Variants in CELSR2 observed in about 807,000 individuals in gnomAD.
The protein encoded by CELSR2 is EGF-like protein 2.
Under a neutral mutation model 251.6 loss-of-function variants are expected in CELSR2, and 81 were observed. That is an observed-to-expected ratio of 0.32 (90% confidence interval 0.27 to 0.39). CELSR2 has a LOEUF of 0.39. Ranked by LOEUF, CELSR2 falls within the 10% of genes least tolerant of loss-of-function variation. The pLI is 1.00. For synonymous variants in CELSR2, 1,721 were observed against 1,670.5 expected, an observed-to-expected ratio of 1.03 and a Z score of -0.74; for missense variants, 3,365 against 3,947.7, an observed-to-expected ratio of 0.85 and a Z score of 3.96.
chr1:109,264,351 C>A lies in CELSR2; in HGVS notation c.5275C>A (p.Arg1759=). The change falls in exon 10 of 34, where the codon CGG becomes AGG. Residue 1759 remains arginine, a synonymous_variant. Transcript: ENST00000271332. ...GPAGGVARGF[R]GCLQGVRVSD... ...AGCCGGCGGTGTGGCCCGTGGCTTT[C>A]GGGGCTGTTTGCAGGTGAGTGTCCT... The A allele has an allele frequency of 6.2e-7, 1 of 1,608,116 alleles. No homozygotes were observed. The highest frequency in any genetic ancestry group is 8.5e-7 in the Non-Finnish European group (1 of 1,175,618).
intron 33 of CELSR2, 171 bp downstream of exon 33, chr1:109,273,841 G>T (rs543102987): frequency 9.7e-7 from 1 of 1,031,250 alleles, no homozygotes; most frequent in East Asian, 2.4e-5. Context: ...GGTGCCTTGC[G>T]GGGAGGGCCA....
In CELSR2 at chr1:109,269,138, C is replaced by T. The variant is rs1346698158; in HGVS notation, c.6660C>T (p.Gly2220=). The T allele has an allele frequency of 6.2e-7, 1 of 1,608,752 alleles. No homozygotes were observed. The highest frequency in any genetic ancestry group is 1.3e-5 in the African/African-American group (1 of 74,664). ...CGCCCCCCGTGGTCAGGCCCGCAGGCCCCGGAGAGGCCCAGGAGCCAGAGG... is the reference window on the plus strand; with the variant it reads ...CGCCCCCCGTGGTCAGGCCCGCAGGTCCCGGAGAGGCCCAGGAGCCAGAGG... ...RETPPVVRPA[G]PGEAQEPEEL... The change falls in exon 20 of 34, where the codon GGC becomes GGT. Residue 2220 remains glycine (G), a synonymous_variant. Transcript: ENST00000271332. This position sits in a 1 kb window ranked among gnomAD's most constrained non-coding sequence, Gnocchi z 6.4.
chr1:109,265,317 A>G lies in CELSR2; in HGVS notation c.5727+6A>G, dbSNP rs1242728412. ...GCGGCGAGTGCCACTGCAAGGTGAC[A>G]GCCCCAAGCAAGCCTCCACTGTGGC... is the stretch of plus-strand genomic sequence containing the variant. On this transcript the variant is annotated splice_donor_region_variant and intron_variant, in intron 13 of 33. Transcript: ENST00000271332. 1.9e-6 allele frequency: 3 copies of G among 1,593,984 alleles called. No individual in the cohort carries two copies. The highest frequency in any genetic ancestry group is 2.6e-6 in the Non-Finnish European group (3 of 1,169,470).
chr1:109,269,720 C>T lies in CELSR2; in HGVS notation c.7007C>T (p.Ala2336Val). Residue 2336 changes from alanine to valine, a missense_variant, in exon 22 of 34, where the codon GCC (alanine) becomes GTC (valine). By Grantham distance (64) the Ala-to-Val change is moderately conservative. Around this residue, in one of 5 missense-constraint regions of CELSR2, gnomAD observed 2,093 missense variants for 2,382.8 expected, o/e 0.88. Transcript: ENST00000271332. This position sits in a 1 kb window ranked among gnomAD's most constrained non-coding sequence, Gnocchi z 6.4. ...GTCAGTGGCACAGGTGGCTGGTCGG[C>T]CAGAGGCTGTGAAGTCGTCTTCCGC... ...ILVSGTGGWS[A>V]RGCEVVFRNE... The T allele has an allele frequency of 1.9e-6, 3 of 1,614,072 alleles. No homozygotes were observed. The highest frequency in any genetic ancestry group is 2.5e-6 in the Non-Finnish European group (3 of 1,180,028).
In CELSR2 at chr1:109,250,261, C is replaced by T. The variant is rs1429937511; in HGVS notation, c.182C>T (p.Ser61Leu). The T allele has an allele frequency of 1.2e-6, 2 of 1,612,214 alleles. No individual in the cohort carries two copies. Among genetic ancestry groups the T allele is most frequent in the Non-Finnish European group, 1.7e-6 (2 of 1,179,522 alleles). Reference protein sequence around the residue: ...CAPMGWLCPSSASNLWLYTSR... With the variant: ...CAPMGWLCPSLASNLWLYTSR... The stretch of plus-strand genomic sequence containing the variant: ...CCCATGGGCTGGCTCTGTCCATCCT[C>T]AGCGTCGAACCTCTGGCTCTACACC... The change falls in exon 1 of 34, where the codon TCA (serine) becomes TTA (leucine). Residue 61 changes from serine to leucine, a missense_variant. This residue lies in a region of CELSR2 where 704 missense variants were observed against 784.1 expected (regional missense o/e 0.90). Transcript: ENST00000271332. The surrounding 1 kb of genome is among the most constrained non-coding windows in gnomAD (Gnocchi z 4.4).
intron 1 of CELSR2, 82 bp downstream of exon 1, chr1:109,253,471 C>A: frequency 1.3e-6 from 2 of 1,496,652 alleles, no homozygotes; most frequent in East Asian, 2.4e-5. Flanking sequence ...GGGTGCGATC[C>A]AGGAAGCAGC....
chr1:109,263,171 A>T lies in CELSR2; in HGVS notation c.4738A>T (p.Ser1580Cys). Residue 1580 changes from serine (S) to cysteine (C), a missense_variant, in exon 8 of 34, where the codon AGC becomes TGC. Physicochemically the swap from Ser to Cys is moderately radical, Grantham distance 112. This residue lies in a region of CELSR2 where 2,093 missense variants were observed against 2,382.8 expected (regional missense o/e 0.88). Transcript: ENST00000271332. ...GCPAKKNVCD[S>C]NTCHNGGTCV... ...CCCTGCCAAGAAGAACGTGTGTGAC[A>T]GCAACACTTGCCACAATGGGGGCAC... 1 of 1,600,410 alleles carries T rather than the reference A, an allele frequency of 6.2e-7. No individual in the cohort carries two copies. Among genetic ancestry groups the T allele is most frequent in the Non-Finnish European group, 8.6e-7 (1 of 1,168,850 alleles).
intron 28 of CELSR2, 123 bp downstream of exon 28, chr1:109,271,845 G>C: frequency 7.7e-7 from 1 of 1,296,440 alleles, no homozygotes; most frequent in Non-Finnish European, 1.1e-6. Flanking sequence ...AAGGTGGAAG[G>C]GGAGGTGAAA....
Position 109,275,534 on chromosome 1 carries a change from C to CT in CELSR2, c.*1485_*1486insT, listed in dbSNP as rs574733881. The CT allele has an allele frequency of 1.5e-5, 1 of 66,372 alleles. No individual in the cohort carries two copies. Among genetic ancestry groups the CT allele is most frequent in the Admixed American group, 1.7e-4 (1 of 5,732 alleles). The allele number at this position is 66,372 out of a possible 1,614,324, so 4.1% of individuals were successfully genotyped here. A position where few individuals can be genotyped will look rare whatever the true frequency, so the allele number is the denominator to read the frequency against. On this transcript the variant is annotated 3_prime_UTR_variant, in exon 34 of 34. Coordinates refer to ENST00000271332, the MANE Select transcript of CELSR2 (RefSeq NM_001408.3). ...CTGGCTTTTCTGCCGTGGATTCTCC[C>CT]CCGTCTTCTCCCCTCAGCAATTCCT...
rs1002144276 is a variant in CELSR2 at position 109,264,938 on chromosome 1, C to T, written c.5535C>T (p.Arg1845=). The T allele has an allele frequency of 1.2e-6, 2 of 1,614,076 alleles. No homozygotes were observed. The highest frequency in any genetic ancestry group is 2.7e-5 in the African/African-American group (2 of 74,920). The change falls in exon 12 of 34, where the codon CGC becomes CGT. Residue 1845 remains arginine, a synonymous_variant. Coordinates refer to ENST00000271332, the MANE Select transcript of CELSR2 (RefSeq NM_001408.3). Reference sequence around the variant, plus strand: ...GTGAGCACCAGTCTGTGTGTACCCGCAAGCCCAGTGCCCCCCATGGCTATA... The same window carrying T: ...GTGAGCACCAGTCTGTGTGTACCCGTAAGCCCAGTGCCCCCCATGGCTATA... ...NPCEHQSVCT[R]KPSAPHGYTC... is the part of the protein sequence containing the mutation.
chr1:109,255,480 CCT>C (rs564768809), intron 1 of CELSR2, among the ~76,000 whole-genome samples: 15 of 152,348 alleles, frequency 9.8e-5, no homozygotes, highest in Middle Eastern at 3.4e-3. Context: ...ATTCTCCTCG[CCT>C]CTTTCTTCCT....
At position 109,265,207 on chromosome 1, in the gene CELSR2, C is replaced by T; in HGVS notation, c.5623C>T (p.Pro1875Ser). Residue 1875 changes from proline (P) to serine (S), a missense_variant, in exon 13 of 34, where the codon CCC becomes TCC. This residue lies in a region of CELSR2 where 2,093 missense variants were observed against 2,382.8 expected (regional missense o/e 0.88). Coordinates refer to ENST00000271332, the MANE Select transcript of CELSR2 (RefSeq NM_001408.3). ...TCTCTGCAGGATTGACCAGCCTTGT[C>T]CCCGTGGCTGGTGGGGACATCCCAC... The part of the protein sequence containing the change: ...YCETRIDQPC[P>S]RGWWGHPTCG... 1.2e-6 allele frequency: 2 copies of T among 1,606,610 alleles called. No homozygotes were observed. Among genetic ancestry groups the T allele is most frequent in the Non-Finnish European group, 1.7e-6 (2 of 1,175,784 alleles).
In CELSR2 at chr1:109,269,950, A is replaced by T; in HGVS notation, c.7125A>T (p.Pro2375=). 6.2e-7 allele frequency: 1 copy of T among 1,614,114 alleles called. No homozygotes were observed. The highest frequency in any genetic ancestry group is 8.5e-7 in the Non-Finnish European group (1 of 1,180,006). Residue 2375 remains proline (P), a synonymous_variant, in exon 23 of 34, where the codon CCA becomes CCT. Coordinates refer to ENST00000271332, the MANE Select transcript of CELSR2 (RefSeq NM_001408.3). The surrounding 1 kb of genome is among the most constrained non-coding windows in gnomAD (Gnocchi z 6.4). ...CTCTGCAGAATGGGGAGATCCTGCC[A>T]CTGAAGACACTGACATACGTGGCTC... ...VSRRENGEIL[P]LKTLTYVALG...
Position 109,270,952 on chromosome 1 carries a change from G to A in CELSR2, c.7509G>A (p.Glu2503=). The stretch of plus-strand genomic sequence containing the variant: ...GGCTAGCCGTGGGCCTGGACCCCGA[G>A]GGCTACGGGAACCCTGACTTCTGCT... The part of the protein sequence containing the change: ...ITGLAVGLDP[E]GYGNPDFCWL... Residue 2503 remains glutamate, a synonymous_variant, in exon 25 of 34, where the codon GAG becomes GAA. Coordinates refer to ENST00000271332, the MANE Select transcript of CELSR2 (RefSeq NM_001408.3). 2 of 1,613,826 alleles carry A rather than the reference G, an allele frequency of 1.2e-6. No homozygotes were observed. Among genetic ancestry groups the A allele is most frequent in the Admixed American group, 1.7e-5 (1 of 59,994 alleles).
Position 109,251,060 on chromosome 1 carries a change from C to T in CELSR2, c.981C>T (p.Arg327=). The T allele has an allele frequency of 1.2e-6, 2 of 1,613,542 alleles. No individual in the cohort carries two copies. The highest frequency in any genetic ancestry group is 1.7e-6 in the Non-Finnish European group (2 of 1,179,948). ...CTCCCAATGCCAATATTCTGTACCG[C>T]CTGCTGGAGGGGTCTGGGGGCAGCC... is the stretch of plus-strand genomic sequence containing the variant. ...DAPPNANILY[R]LLEGSGGSPS... is the part of the protein sequence containing the mutation. Residue 327 remains arginine (R), a synonymous_variant, in exon 1 of 34, where the codon CGC becomes CGT. Coordinates refer to ENST00000271332, the MANE Select transcript of CELSR2 (RefSeq NM_001408.3). The surrounding 1 kb of genome is among the most constrained non-coding windows in gnomAD (Gnocchi z 4.9).
chr1:109,261,107 A>T lies in CELSR2; in HGVS notation c.4024A>T (p.Thr1342Ser). The T allele has an allele frequency of 3.1e-6, 5 of 1,614,058 alleles. No individual in the cohort carries two copies. The highest frequency in any genetic ancestry group is 4.2e-6 in the Non-Finnish European group (5 of 1,179,998). ...CCCGGGTGTCTGCAAGAATGGGGGC[A>T]CCTGTGTCAACCTGCTGGTGGGCGG... ...CTPGVCKNGG[T>S]CVNLLVGGFK... The change falls in exon 3 of 34, where the codon ACC becomes TCC. Residue 1342 changes from threonine (T) to serine (S), a missense_variant. Physicochemically the swap from Thr to Ser is moderately conservative, Grantham distance 58. Coordinates refer to ENST00000271332, the MANE Select transcript of CELSR2 (RefSeq NM_001408.3). The surrounding 1 kb of genome is among the most constrained non-coding windows in gnomAD (Gnocchi z 4.8).
chr1:109,265,980 G>A, intron 14 of CELSR2, 62 bp downstream of exon 14: 1 of 1,583,552 alleles, frequency 6.3e-7, no homozygotes, highest in Non-Finnish European at 8.6e-7. Context: ...TGCACCCCAG[G>A]AAAGCCAGGA....
intron 24 of CELSR2, 21 bp downstream of exon 24, chr1:109,270,621 TCTTGGGGTCCCAC>T (rs1422329279): frequency 6.3e-5 from 31 of 495,528 alleles, no homozygotes; most frequent in Non-Finnish European, 8.0e-5. Flanking sequence ...CCATTCCCAG[TCTTGGGGTCCCAC>T]ATCCCTGGGT....
chr1:109,265,899 C>T lies in CELSR2; in HGVS notation c.5892C>T (p.Val1964=), dbSNP rs750099463. Residue 1964 remains valine, a synonymous_variant, in exon 14 of 34, where the codon GTC becomes GTT. Transcript: ENST00000271332. The stretch of plus-strand genomic sequence containing the variant: ...GCTGTGACAACCCTTTTGCTGAGGT[C>T]ACCACCAATGGCTGTGAAGGTGGGG... ...CDRCDNPFAE[V]TTNGCEVNYD... is the part of the protein sequence containing the mutation. The T allele has an allele frequency of 8.7e-6, 14 of 1,613,404 alleles. No individual in the cohort carries two copies. The highest frequency in any genetic ancestry group is 1.2e-5 in the Non-Finnish European group (14 of 1,179,734).
Sources: gnomAD v4.1 joint callset for allele counts (sites outside exome capture counted in the v4.1 genomes callset) on GRCh38, gnomAD v4.1.1 for gene constraint, gnomAD v4.1.1 regional missense constraint, Gnocchi (gnomAD v3.1) non-coding constraint, MANE v1.5 for transcripts, NCBI Gene and HGNC (gene_info 2026-07-23, HGNC 2026-07-21) for gene names.